Variants in SH3PXD2B observed in about 807,000 individuals in gnomAD.
The protein encoded by SH3PXD2B is SH3 and PX domain-containing protein 2B.
Under a neutral mutation model 73.1 loss-of-function variants are expected in SH3PXD2B, and 37 were observed. That is an observed-to-expected ratio of 0.51 (90% confidence interval 0.39 to 0.67). The LOEUF (loss-of-function observed/expected upper bound fraction) is 0.67, where lower values mean the gene tolerates loss of function less well. Among genes scored for constraint, SH3PXD2B ranks in the 30% least tolerant of loss-of-function variants. SH3PXD2B has a pLI of 0.00. For synonymous variants in SH3PXD2B, 457 were observed against 480.5 expected (o/e 0.95, Z 0.64); for missense variants, 1,053 against 1,197.8 (o/e 0.88, Z 1.78).
rs1757209982 is a variant in SH3PXD2B, at chr5:172,353,769, A to C, written c.785+119T>G. 4.9e-6 allele frequency: 4 copies of C among 817,106 alleles called. No individual in the cohort carries two copies. The highest frequency in any genetic ancestry group is 8.7e-6 in the Non-Finnish European group (4 of 460,572). 50.6% of individuals were successfully genotyped at this position (817,106 alleles called of 1,614,324 possible). ...AAGTATCCTTTTATGGTTCAGGCGG[A>C]AACTTCGCCCAGATGCAATCACTTA... On this transcript the variant is annotated intron_variant, in intron 9 of 12. Transcript: ENST00000311601. This position sits in a 1 kb window ranked among gnomAD's most constrained non-coding sequence, Gnocchi z 4.3.
Position 172,353,530 on chromosome 5 carries a change from T to C in SH3PXD2B, c.785+358A>G, listed in dbSNP as rs1419042854. 6.6e-6 allele frequency among the ~76,000 whole-genome samples: 1 copy of C among 152,220 alleles called. No homozygotes were observed. The highest frequency in any genetic ancestry group is 1.5e-5 in the Non-Finnish European group (1 of 68,046). On this transcript the variant is annotated intron_variant, in intron 9 of 12. Coordinates refer to ENST00000311601, the MANE Select transcript of SH3PXD2B (RefSeq NM_001017995.3). The surrounding 1 kb of genome is among the most constrained non-coding windows in gnomAD (Gnocchi z 4.3). ...AGTCCATGAGTGTTTATGCACCATC[T>C]TGTTCTCAGAATGGGGCGGGAGGGG...
chr5:172,339,835 T>C lies in SH3PXD2B; in HGVS notation c.1270A>G (p.Lys424Glu), dbSNP rs1756813138. The change falls in exon 13 of 13, where the codon AAG (lysine) becomes GAG (glutamate). Residue 424 changes from lysine to glutamate, a missense_variant. This residue lies in a region of SH3PXD2B where 466 missense variants were observed against 607.1 expected (regional missense o/e 0.77). Coordinates refer to ENST00000311601, the MANE Select transcript of SH3PXD2B (RefSeq NM_001017995.3). The surrounding 1 kb of genome is among the most constrained non-coding windows in gnomAD (Gnocchi z 6.1). The part of the protein sequence containing the change: ...EGWAPATFID[K>E]YKKTSNASRP... ...GACGCGTTGCTCGTCTTCTTGTACT[T>C]GTCAATGAAGGTGGCCGGGGCCCAC... is the stretch of plus-strand genomic sequence containing the variant. 6.2e-7 allele frequency: 1 copy of C among 1,614,130 alleles called. No homozygotes were observed. Among genetic ancestry groups the C allele is most frequent in the African/African-American group, 1.3e-5 (1 of 74,942 alleles).
At chr5:172,365,258 G>A (rs901699915) in intron 6 of SH3PXD2B, among the ~76,000 whole-genome samples, 1 of 152,172 alleles carries the variant, frequency 6.6e-6, no homozygotes, top group Non-Finnish European at 1.5e-5. Context: ...CCTACAGACA[G>A]CACAGAAACC....
At chr5:172,431,178 G>C (rs578155893) in intron 1 of SH3PXD2B, among the ~76,000 whole-genome samples, 8 of 152,338 alleles carry the variant, frequency 5.3e-5, no homozygotes, top group Admixed American at 5.2e-4. Context: ...GTAACCACCT[G>C]TTCTGCCTAA....
downstream of SH3PXD2B, among the ~76,000 whole-genome samples, chr5:172,332,883 C>G (rs1482311358): frequency 6.6e-6 from 1 of 151,452 alleles, no homozygotes; most frequent in Non-Finnish European, 1.5e-5. Context: ...CTTGGGCAGT[C>G]TCTGCGGCCC....
At chr5:172,340,210 T>C (rs916138866) in intron 12 of SH3PXD2B, among the ~76,000 whole-genome samples, 2 of 152,076 alleles carry the variant, frequency 1.3e-5, no homozygotes, top group Non-Finnish European at 2.9e-5. Flanking sequence ...AGTAAGGAAG[T>C]AGACAGAGAA....
At chr5:172,386,311 T>C (rs1442760467) in intron 4 of SH3PXD2B, among the ~76,000 whole-genome samples, 2 of 152,210 alleles carry the variant, frequency 1.3e-5, no homozygotes, top group African/African-American at 4.8e-5. Flanking sequence ...TGGCTCTCTA[T>C]ACTGTCCCAG....
chr5:172,434,611 G>GAT (rs1275599799), intron 1 of SH3PXD2B, among the ~76,000 whole-genome samples: 1 of 152,158 alleles, frequency 6.6e-6, no homozygotes, highest in Non-Finnish European at 1.5e-5. Context: ...GAGGCATGGG[G>GAT]GAATGTCCTC....
intron 11 of SH3PXD2B, 74 bp downstream of exon 11, chr5:172,347,209 G>A: frequency 1.4e-6 from 2 of 1,426,300 alleles, no homozygotes; most frequent in Non-Finnish European, 2.0e-6. Context: ...GGCGAGGGGT[G>A]TGTGAGGGGC....
chr5:172,412,546 T>A (rs1758725224), intron 2 of SH3PXD2B, among the ~76,000 whole-genome samples: 1 of 152,090 alleles, frequency 6.6e-6, no homozygotes. Context: ...CATCTGTGAG[T>A]TTGCTAGTTG....
chr5:172,424,921 C>T (rs568375142), intron 1 of SH3PXD2B, among the ~76,000 whole-genome samples: 3 of 152,188 alleles, frequency 2.0e-5, no homozygotes, highest in Non-Finnish European at 4.4e-5. Context: ...CCTACCCCAT[C>T]CCTGCTCACA....
chr5:172,424,653 T>C (rs1469070126), intron 1 of SH3PXD2B, among the ~76,000 whole-genome samples: 1 of 152,208 alleles, frequency 6.6e-6, no homozygotes, highest in East Asian at 1.9e-4. Context: ...GGAGTTCACC[T>C]GGCATGGCCT....
At chr5:172,426,320 G>T (rs1759096294) in intron 1 of SH3PXD2B, among the ~76,000 whole-genome samples, 1 of 152,160 alleles carries the variant, frequency 6.6e-6, no homozygotes, top group Non-Finnish European at 1.5e-5. Flanking sequence ...ACACACCCTG[G>T]GTCACAGAGC....
chr5:172,370,653 G>A (rs907299271), intron 6 of SH3PXD2B, among the ~76,000 whole-genome samples: 5 of 152,322 alleles, frequency 3.3e-5, no homozygotes, highest in African/African-American at 9.6e-5. Flanking sequence ...TTAGACTGTA[G>A]TTCTCTGCCA....
intron 1 of SH3PXD2B, among the ~76,000 whole-genome samples, chr5:172,428,365 CAGG>C: frequency 6.6e-6 from 1 of 152,292 alleles, no homozygotes; most frequent in South Asian, 2.1e-4. Context: ...AAAGTGAAAC[CAGG>C]AGGAGATGCC....
At chr5:172,383,852 CT>C (rs113181175) in intron 4 of SH3PXD2B, among the ~76,000 whole-genome samples, 11,944 of 134,992 alleles carry the variant, frequency 0.088, 595 homozygotes, top group South Asian at 0.22. Context: ...TTCTTTCTTT[CT>C]TTTTTTTTTT....
At chr5:172,382,253 T>A in intron 4 of SH3PXD2B, 126 bp from the exon 5 acceptor site, 1 of 727,394 alleles carries the variant, frequency 1.4e-6, no homozygotes, top group Non-Finnish European at 2.3e-6. Context: ...GAGGCGGAGG[T>A]TGCAGTGAGC....
intron 2 of SH3PXD2B, among the ~76,000 whole-genome samples, chr5:172,414,419 A>C (rs1049393174): frequency 6.2e-5 from 9 of 144,532 alleles, no homozygotes; most frequent in Non-Finnish European, 1.4e-4. Context: ...CCGTGAGCCG[A>C]GATCGCGCCA....
Position 172,336,701 on chromosome 5 carries a change from G to A in SH3PXD2B, c.*1668C>T, listed in dbSNP as rs2113243297. On this transcript the variant is annotated 3_prime_UTR_variant, in exon 13 of 13. Transcript: ENST00000311601. Reference sequence around the variant, plus strand: ...TCTCTGGGGCAGGGCAGGGTGGGGAGGGGCGGGGCAGGGCAGGGCAGGGCT... The same window carrying A: ...TCTCTGGGGCAGGGCAGGGTGGGGAAGGGCGGGGCAGGGCAGGGCAGGGCT... The A allele has an allele frequency of 1.0e-6, 1 of 984,526 alleles. No homozygotes were observed. Among genetic ancestry groups the A allele is most frequent in the Non-Finnish European group, 1.2e-6 (1 of 829,236 alleles). 61.0% of individuals were successfully genotyped at this position (984,526 alleles called of 1,614,324 possible).
Sources: gnomAD v4.1 joint callset for allele counts (sites outside exome capture counted in the v4.1 genomes callset) on GRCh38, gnomAD v4.1.1 for gene constraint, gnomAD v4.1.1 regional missense constraint, Gnocchi (gnomAD v3.1) non-coding constraint, MANE v1.5 for transcripts, NCBI Gene and HGNC (gene_info 2026-07-23, HGNC 2026-07-21) for gene names.